The following PDZD2 variants were observed in gnomAD, a reference collection of about 807,000 sequenced individuals.
PDZD2 encodes PDZ domain containing 2, also known as PDZ domain-containing protein 2.
Under a neutral mutation model 220.7 loss-of-function variants are expected in PDZD2, and 90 were observed. That is an observed-to-expected ratio of 0.41 (90% CI 0.34 to 0.49). PDZD2 has a LOEUF of 0.49. Among genes scored for constraint, PDZD2 ranks in the 20% least tolerant of loss-of-function variants. The probability of loss-of-function intolerance (pLI) is 0.28; values close to 1 mark genes in which losing one functional copy is unlikely to be tolerated. For synonymous variants in PDZD2, 1,375 were observed against 1,450.5 expected, an observed-to-expected ratio of 0.95 and a Z score of 1.18; for missense variants, 3,174 against 3,608.5, an observed-to-expected ratio of 0.88 and a Z score of 3.08.
intron 1 of PDZD2, among the ~76,000 whole-genome samples, chr5:31,767,606 A>G (rs1352061344): frequency 6.6e-6 from 1 of 152,236 alleles, no homozygotes; most frequent in Non-Finnish European, 1.5e-5. Context: ...TTTTTGAGGT[A>G]ATTGACCCAT....
At chr5:31,765,581 G>A (rs1751951069) in intron 1 of PDZD2, among the ~76,000 whole-genome samples, 2 of 152,196 alleles carry the variant, frequency 1.3e-5, no homozygotes, top group African/African-American at 4.8e-5. Flanking sequence ...TAATGGAAGT[G>A]AGAAAGCTGT....
At chr5:31,920,390 G>C (rs985479277) in intron 2 of PDZD2, among the ~76,000 whole-genome samples, 2 of 149,178 alleles carry the variant, frequency 1.3e-5, no homozygotes, top group Admixed American at 6.7e-5. Flanking sequence ...CATGATCAAC[G>C]CCCCCCCCCC....
intron 6 of PDZD2, among the ~76,000 whole-genome samples, chr5:32,033,038 A>C (rs1320225785): frequency 6.6e-6 from 1 of 152,220 alleles, no homozygotes; most frequent in Non-Finnish European, 1.5e-5. Context: ...TTTGTACTAC[A>C]CTTGATGTTA....
Position 31,898,815 on chromosome 5 carries a change from T to TC in PDZD2, c.477-84340_477-84339insC, listed in dbSNP as rs1485288322. 1.1e-3 allele frequency among the ~76,000 whole-genome samples: 161 copies of TC among 150,688 alleles called. 3 individuals carry two copies. Among genetic ancestry groups the TC allele is most frequent in the Non-Finnish European group, 1.8e-4 (12 of 67,544 alleles). On this transcript the variant is annotated intron_variant, in intron 2 of 24. Transcript: ENST00000438447. ...ATAGATGGAGCCTCTCTTCTTTTTT[T>TC]TTTTTTTTTTTGTTTTTTTTCTTTG...
intron 1 of PDZD2, among the ~76,000 whole-genome samples, chr5:31,662,694 A>G (rs996297324): frequency 2.0e-5 from 3 of 152,100 alleles, no homozygotes; most frequent in Non-Finnish European, 4.4e-5. Context: ...CAGTGGCGCA[A>G]TCTCAGCTCA....
chr5:31,948,795 C>T (rs1178574032), intron 2 of PDZD2, among the ~76,000 whole-genome samples: 5 of 152,010 alleles, frequency 3.3e-5, no homozygotes, highest in Admixed American at 1.3e-4. Flanking sequence ...GAGAGAACCA[C>T]TTATATATAT....
chr5:32,000,792 G>A lies in PDZD2; in HGVS notation c.1254+521G>A, dbSNP rs930535631. ...CCCAAAGTGCTGGGATTACAGGCGT[G>A]AGCCACCATGCCTGGCCCTTTAAGA... On this transcript the variant is annotated intron_variant, in intron 5 of 24. Coordinates refer to ENST00000438447, the MANE Select transcript of PDZD2 (RefSeq NM_178140.4). The surrounding 1 kb of genome is among the most constrained non-coding windows in gnomAD (Gnocchi z 4.5). Among the ~76,000 whole-genome samples the A allele has an allele frequency of 1.3e-5, 2 of 152,182 alleles. No homozygotes were observed. The highest frequency in any genetic ancestry group is 4.8e-5 in the African/African-American group (2 of 41,454).
chr5:32,030,351 C>A (rs10076506), intron 6 of PDZD2, among the ~76,000 whole-genome samples: 1 of 152,220 alleles, frequency 6.6e-6, no homozygotes, highest in Admixed American at 6.5e-5. Context: ...GCTAATACCT[C>A]TGCCGCCTCT....
At chr5:31,826,439 G>A (rs1393109800) in intron 2 of PDZD2, among the ~76,000 whole-genome samples, 3 of 152,008 alleles carry the variant, frequency 2.0e-5, no homozygotes, top group Admixed American at 6.6e-5. Context: ...TTGGGAAGCC[G>A]AGGCGGGTGG....
At position 32,108,276 on chromosome 5, in the gene PDZD2, A is replaced by C; in HGVS notation, c.*141A>C. ...TCTCCAAGCTTGTGCTTACACATGA[A>C]GCCTGACTTAACTGTATGTGCAACA... On this transcript the variant is annotated 3_prime_UTR_variant, in exon 25 of 25. Coordinates refer to ENST00000438447, the MANE Select transcript of PDZD2 (RefSeq NM_178140.4). The C allele has an allele frequency of 1.8e-6, 1 of 553,484 alleles. No individual in the cohort carries two copies. The highest frequency in any genetic ancestry group is 3.1e-6 in the Non-Finnish European group (1 of 321,696). The allele number at this position is 553,484 out of a possible 1,614,324, so 34.3% of individuals were successfully genotyped here.
chr5:31,788,016 C>A (rs997627317), intron 1 of PDZD2, among the ~76,000 whole-genome samples: 15 of 152,170 alleles, frequency 9.9e-5, no homozygotes, highest in African/African-American at 3.4e-4. Flanking sequence ...AGATCAAATT[C>A]TCTGCCTCAT....
chr5:31,968,153 T>A (rs748889406), intron 2 of PDZD2, among the ~76,000 whole-genome samples: 82 of 152,188 alleles, frequency 5.4e-4, no homozygotes, highest in Non-Finnish European at 8.2e-4. Context: ...GAGACTTCAG[T>A]TCGTGACCAG....
intron 1 of PDZD2, among the ~76,000 whole-genome samples, chr5:31,745,995 C>T (rs980145289): frequency 6.6e-6 from 1 of 152,060 alleles, no homozygotes; most frequent in African/African-American, 2.4e-5. Context: ...TATAGCAAGC[C>T]ACTGCATAGA....
chr5:31,746,902 G>A (rs111997271), intron 1 of PDZD2, among the ~76,000 whole-genome samples: 6,590 of 152,332 alleles, frequency 0.043, 482 homozygotes, highest in African/African-American at 0.15. Context: ...TGCGCTGGGC[G>A]TGGTGGCTCA....
intron 1 of PDZD2, among the ~76,000 whole-genome samples, chr5:31,774,100 G>A (rs73058460): frequency 0.014 from 2,086 of 152,172 alleles, 56 homozygotes; most frequent in African/African-American, 0.048. Context: ...CAGAGGTCCA[G>A]AAGCCAGCTC....
intron 7 of PDZD2, among the ~76,000 whole-genome samples, chr5:32,046,253 G>GT (rs956878677): frequency 2.6e-5 from 4 of 151,748 alleles, no homozygotes; most frequent in Non-Finnish European, 2.9e-5. Flanking sequence ...TTTTGTTTTT[G>GT]TTTTTTTGAG....
intron 1 of PDZD2, among the ~76,000 whole-genome samples, chr5:31,680,039 TTGGATATCTGATA>T (rs1746592728): frequency 6.6e-6 from 1 of 152,252 alleles, no homozygotes; most frequent in South Asian, 2.1e-4. Context: ...AGCATTTTTC[TTGGATATCTGATA>T]TGGAATTATT....
intron 1 of PDZD2, among the ~76,000 whole-genome samples, chr5:31,648,233 C>T (rs1009882072): frequency 1.3e-5 from 2 of 152,164 alleles, no homozygotes; most frequent in African/African-American, 4.8e-5. Context: ...TGTCCATAGC[C>T]TTGATTTCTC....
chr5:31,845,388 A>G (rs1181248077), intron 2 of PDZD2, among the ~76,000 whole-genome samples: 1 of 152,224 alleles, frequency 6.6e-6, no homozygotes, highest in African/African-American at 2.4e-5. Flanking sequence ...ACACTGCCAT[A>G]TAACACACAG....
Sources: gnomAD v4.1 joint callset for allele counts (sites outside exome capture counted in the v4.1 genomes callset) on GRCh38, gnomAD v4.1.1 for gene constraint, Gnocchi (gnomAD v3.1) non-coding constraint, MANE v1.5 for transcripts, NCBI Gene and HGNC (gene_info 2026-07-23, HGNC 2026-07-21) for gene names.